HIGD1A: variants seen among roughly 807,000 people sequenced by gnomAD.
The protein encoded by HIGD1A is HIG1 domain family member 1A, mitochondrial.
In HIGD1A, 8 loss-of-function variants were observed where a neutral mutation model predicts 11.3. The ratio of observed to expected loss-of-function variants is 0.71; its 90% confidence interval spans 0.42 to 1.28. HIGD1A has a LOEUF of 1.28. Ranked by LOEUF, HIGD1A falls within the 50% of genes most tolerant of loss-of-function variation. HIGD1A has a pLI of 0.01. For missense variants in HIGD1A, 107 were observed against 118.8 expected, an observed-to-expected ratio of 0.90 and a Z score of 0.46; for synonymous variants, 32 against 38.4, an observed-to-expected ratio of 0.83 and a Z score of 0.62.
intron 1 of HIGD1A, among the ~76,000 whole-genome samples, chr3:42,798,474 CG>C (rs1700518799): frequency 6.3e-4 from 1 of 1,576 alleles, no homozygotes; most frequent in African/African-American, 7.6e-4. Flanking sequence ...CCGCCCCGTC[CG>C]GGAGGGAGGT....
At chr3:42,787,798 C>A (rs1437604648) in intron 2 of HIGD1A, among the ~76,000 whole-genome samples, 1 of 150,328 alleles carries the variant, frequency 6.7e-6, no homozygotes, top group Non-Finnish European at 1.5e-5. Context: ...CAGAATTGCA[C>A]GGCACCATTA....
intron 2 of HIGD1A, 101 bp downstream of exon 2, chr3:42,794,056 A>T: frequency 8.5e-7 from 1 of 1,171,846 alleles, no homozygotes; most frequent in African/African-American, 1.6e-5. Flanking sequence ...ATTTCAACAT[A>T]AGAAAAAAAT....
chr3:42,802,222 C>G (rs1051389032), intron 1 of HIGD1A, among the ~76,000 whole-genome samples: 5 of 150,206 alleles, frequency 3.3e-5, no homozygotes, highest in Non-Finnish European at 7.4e-5. Flanking sequence ...GTATATAAAT[C>G]AAGAACAGAA....
Position 42,803,282 on chromosome 3 carries a change from CAGG to C in HIGD1A, c.-23+1151_-23+1153del, listed in dbSNP as rs747336897. ...TAAGGGAAGATGAGCCGTCCAGCATCAGGAGACGTAACAGGTTGAATGAAGGAT... is the reference window on the plus strand; with the variant it reads ...TAAGGGAAGATGAGCCGTCCAGCATCAGACGTAACAGGTTGAATGAAGGAT... On this transcript the variant is annotated intron_variant, in intron 1 of 3. Coordinates refer to ENST00000321331, the MANE Select transcript of HIGD1A (RefSeq NM_014056.4). 2.6e-5 allele frequency among the ~76,000 whole-genome samples: 4 copies of C among 152,228 alleles called. No homozygotes were observed. In the East Asian group the frequency reaches 7.7e-4, roughly 29 times the overall value.
intron 2 of HIGD1A, among the ~76,000 whole-genome samples, chr3:42,792,984 GAAA>G (rs745632679): frequency 7.8e-6 from 1 of 128,960 alleles, no homozygotes. Context: ...CTCCTTCTCG[GAAA>G]AAAAAAAAAA....
At chr3:42,785,636 A>G (rs1700340210) in intron 3 of HIGD1A, among the ~76,000 whole-genome samples, 1 of 152,266 alleles carries the variant, frequency 6.6e-6, no homozygotes, top group Non-Finnish European at 1.5e-5. Context: ...AATACCAGAT[A>G]AAGTCAATGA....
chr3:42,799,910 C>G (rs1700535568), intron 1 of HIGD1A, among the ~76,000 whole-genome samples: 1 of 152,162 alleles, frequency 6.6e-6, no homozygotes, highest in Non-Finnish European at 1.5e-5. Flanking sequence ...GGAGGTTTGG[C>G]ACGTTTCACA....
intron 2 of HIGD1A, among the ~76,000 whole-genome samples, chr3:42,788,482 C>A (rs932350252): frequency 9.9e-5 from 15 of 152,176 alleles, no homozygotes; most frequent in Admixed American, 9.2e-4. Flanking sequence ...AGGGCATTCT[C>A]AATTCATGTT....
chr3:42,788,033 T>C, intron 2 of HIGD1A, among the ~76,000 whole-genome samples: 1 of 151,532 alleles, frequency 6.6e-6, no homozygotes, highest in Non-Finnish European at 1.5e-5. Context: ...CCCCCACCTC[T>C]AACCACTGAG....
intron 2 of HIGD1A, among the ~76,000 whole-genome samples, chr3:42,788,465 A>T (rs1412418559): frequency 2.0e-5 from 3 of 152,244 alleles, no homozygotes; most frequent in Admixed American, 2.0e-4. Context: ...GTCTAATAAA[A>T]ATTATAAGGG....
chr3:42,795,502 C>T (rs1392307522), intron 1 of HIGD1A, among the ~76,000 whole-genome samples: 1 of 151,972 alleles, frequency 6.6e-6, no homozygotes, highest in East Asian at 1.9e-4. Flanking sequence ...GCATGAGCTA[C>T]CACACCTGGC....
At chr3:42,798,580 T>G (rs1411360543) in intron 1 of HIGD1A, among the ~76,000 whole-genome samples, 11 of 3,400 alleles carry the variant, frequency 3.2e-3, no homozygotes, top group African/African-American at 3.5e-3. Context: ...GAGGAGCCCC[T>G]CTGGCTGGCC....
Position 42,804,464 on chromosome 3 carries a change from A to C in HIGD1A, c.-51T>G. 1.3e-5 allele frequency: 6 copies of C among 444,496 alleles called. No individual in the cohort carries two copies. Among genetic ancestry groups the C allele is most frequent in the South Asian group, 4.2e-5 (1 of 23,902 alleles). 27.5% of individuals were successfully genotyped at this position (444,496 alleles called of 1,614,324 possible). A position where few individuals can be genotyped will look rare whatever the true frequency, so the allele number is the denominator to read the frequency against. On this transcript the variant is annotated 5_prime_UTR_variant, in exon 1 of 4. Transcript: ENST00000321331. ...GAGCGAGAAAACCTCTCACACCCCA[A>C]CCGGCTTCCGATCCCTGCAGGCGCA... is the stretch of plus-strand genomic sequence containing the variant.
chr3:42,794,946 T>C (rs554815850), intron 1 of HIGD1A, among the ~76,000 whole-genome samples: 1 of 152,314 alleles, frequency 6.6e-6, no homozygotes, highest in South Asian at 2.1e-4. Flanking sequence ...TTGGTAGAAA[T>C]GTCTCCTTCA....
At chr3:42,787,921 T>C (rs1472573792) in intron 2 of HIGD1A, among the ~76,000 whole-genome samples, 3 of 152,042 alleles carry the variant, frequency 2.0e-5, no homozygotes, top group Admixed American at 6.5e-5. Flanking sequence ...AATCATTTAT[T>C]AGGCCACAAA....
intron 1 of HIGD1A, among the ~76,000 whole-genome samples, chr3:42,799,776 CAG>C (rs1700532878): frequency 1.3e-5 from 2 of 152,150 alleles, no homozygotes; most frequent in African/African-American, 4.8e-5. Flanking sequence ...TTGGCTAGGT[CAG>C]ATCTCTTTCA....
At chr3:42,791,097 A>C (rs550772877) in intron 2 of HIGD1A, among the ~76,000 whole-genome samples, 2 of 152,260 alleles carry the variant, frequency 1.3e-5, no homozygotes, top group African/African-American at 2.4e-5. Context: ...GTTGAGTAAC[A>C]AATCTCTCAT....
rs748285617 is a variant in HIGD1A, at chr3:42,785,376, TAAA to T, written c.233-59_233-57del. 2.1e-6 allele frequency: 3 copies of T among 1,414,460 alleles called. No homozygotes were observed. In the South Asian group the frequency reaches 3.5e-5, roughly 17 times the overall value. 87.6% of individuals were successfully genotyped at this position (1,414,460 alleles called of 1,614,324 possible). A position where few individuals can be genotyped will look rare whatever the true frequency, so the allele number is the denominator to read the frequency against. On this transcript the variant is annotated intron_variant, in intron 3 of 3. Transcript: ENST00000321331. Reference sequence around the variant, plus strand: ...CAGTATTTTCTTAAATATTCAAAAATAAAAACCAGTTCATAAAATAGCTGAAAG... The same window carrying T: ...CAGTATTTTCTTAAATATTCAAAAATAACCAGTTCATAAAATAGCTGAAAG...
Position 42,785,441 on chromosome 3 carries a change from A to G in HIGD1A, c.233-121T>C, listed in dbSNP as rs139070809. 2,330 of 737,992 alleles carry G rather than the reference A, an allele frequency of 3.2e-3. 40 individuals carry two copies. The African/African-American group carries it at 0.036, about 11-fold the overall frequency. 45.7% of individuals were successfully genotyped at this position (737,992 alleles called of 1,614,324 possible). A position where few individuals can be genotyped will look rare whatever the true frequency, so the allele number is the denominator to read the frequency against. On this transcript the variant is annotated intron_variant, in intron 3 of 3. Coordinates refer to ENST00000321331, the MANE Select transcript of HIGD1A (RefSeq NM_014056.4). ...CTAGCATGGAATATTTACAAGGGGA[A>G]TAAGACCCTAGGAAGCTTATACTCT...
Sources: gnomAD v4.1 joint callset for allele counts (sites outside exome capture counted in the v4.1 genomes callset) on GRCh38, gnomAD v4.1.1 for gene constraint, MANE v1.5 for transcripts, NCBI Gene and HGNC (gene_info 2026-07-23, HGNC 2026-07-21) for gene names.